NUB1: variants seen among roughly 807,000 people sequenced by gnomAD.
NUB1 encodes the protein negative regulator of ubiquitin like proteins 1.
NUB1 carries 41 observed loss-of-function variants against 77.1 expected under a neutral mutation model. The observed-to-expected ratio is 0.53, with a 90% CI of 0.41 to 0.69. NUB1 has a LOEUF of 0.69. Ranked by LOEUF, NUB1 falls within the 30% of genes least tolerant of loss-of-function variation. The pLI is 0.00. For synonymous variants in NUB1, 257 were observed against 281.0 expected (o/e 0.91, Z 0.85); for missense variants, 643 against 743.8 (o/e 0.86, Z 1.58).
chr7:151,344,489 T>TA (rs916732535), intron 1 of NUB1, among the ~76,000 whole-genome samples: 4 of 140,584 alleles, frequency 2.8e-5, no homozygotes, highest in Non-Finnish European at 4.7e-5. Flanking sequence ...TGTTCATATA[T>TA]TTTTTTTTTT....
At chr7:151,369,012 C>CTTT in intron 11 of NUB1, 125 bp downstream of exon 11, 1 of 1,001,422 alleles carries the variant, frequency 1.0e-6, no homozygotes, top group Non-Finnish European at 1.4e-6. Flanking sequence ...GAAACTTGTC[C>CTTT]TTTTTTTTTT....
chr7:151,376,464 C>A, intron 13 of NUB1, 170 bp from the exon 14 acceptor site: 1 of 638,722 alleles, frequency 1.6e-6, no homozygotes, highest in Non-Finnish European at 2.6e-6. Context: ...AGCCCCCTTC[C>A]AGGTTGCTCT....
intron 4 of NUB1, 149 bp from the exon 5 acceptor site, chr7:151,352,663 G>C (rs1160480853): frequency 8.2e-6 from 5 of 610,032 alleles, no homozygotes; most frequent in Non-Finnish European, 1.5e-5. Context: ...GGCTGGTCTT[G>C]AATTCCTGGG....
rs370952148 is a variant in NUB1 at position 151,377,438 on chromosome 7, C to T, written c.*213C>T. On this transcript the variant is annotated 3_prime_UTR_variant, in exon 15 of 15. Coordinates refer to ENST00000568733, the MANE Select transcript of NUB1 (RefSeq NM_001243351.2). ...TCCTCTGGCCTGGCGCAGGCCGTTC[C>T]ATCTGCCTCCCAGGTCTGCGTCCCT... 1.4e-4 allele frequency: 57 copies of T among 410,772 alleles called. 1 individual carries two copies. The highest frequency in any genetic ancestry group is 1.0e-3 in the African/African-American group (49 of 48,692). 25.4% of individuals were successfully genotyped at this position (410,772 alleles called of 1,614,324 possible).
At chr7:151,350,450 C>G (rs564160613) in intron 3 of NUB1, among the ~76,000 whole-genome samples, 1 of 152,218 alleles carries the variant, frequency 6.6e-6, no homozygotes, top group Non-Finnish European at 1.5e-5. Flanking sequence ...CTGGAGTTAC[C>G]GCTAGACGAG....
chr7:151,359,185 T>C (rs1249833444), intron 7 of NUB1, among the ~76,000 whole-genome samples: 4 of 151,402 alleles, frequency 2.6e-5, no homozygotes. Context: ...ATGCCTGTAA[T>C]CCCAGCACTT....
intron 8 of NUB1, among the ~76,000 whole-genome samples, chr7:151,364,452 A>C (rs184618752): frequency 0.021 from 3,158 of 151,386 alleles, 105 homozygotes; most frequent in African/African-American, 0.066. Flanking sequence ...CAAAAAAAAA[A>C]ACAAAAAAAC....
intron 8 of NUB1, among the ~76,000 whole-genome samples, chr7:151,364,760 C>T (rs1271881208): frequency 6.6e-6 from 1 of 152,106 alleles, no homozygotes; most frequent in African/African-American, 2.4e-5. Context: ...AGGTGATCTG[C>T]CCGCCTCGGC....
Position 151,345,443 on chromosome 7 carries a change from A to T in NUB1, c.94A>T (p.Lys32Ter), listed in dbSNP as rs753315256. 3.7e-6 allele frequency: 6 copies of T among 1,600,608 alleles called. No individual in the cohort carries two copies. The African/African-American group carries it at 4.0e-5, about 11-fold the overall frequency. Residue 32 changes from lysine (K) to a stop codon, truncating the protein, a stop_gained, in exon 2 of 15, where the codon AAA becomes TAA. Coordinates refer to ENST00000568733, the MANE Select transcript of NUB1 (RefSeq NM_001243351.2). LOFTEE classifies it high-confidence loss of function. Reference sequence around the variant, plus strand: ...GAAACCTCCATATACAGATGAAAATAAAAAAGTTGGTTTGGCATTAAAGGT... The same window carrying T: ...GAAACCTCCATATACAGATGAAAATTAAAAAGTTGGTTTGGCATTAAAGGT... ...LWKPPYTDEN[K>*]KVGLALKDLA...
Position 151,366,941 on chromosome 7 carries a change from A to T in NUB1, c.803A>T (p.Glu268Val), listed in dbSNP as rs1423028671. The T allele has an allele frequency of 1.3e-6, 2 of 1,586,608 alleles. No homozygotes were observed. Among genetic ancestry groups the T allele is most frequent in the Non-Finnish European group, 1.7e-6 (2 of 1,166,434 alleles). ...TGTCACTGTCCTTCTCTTTCCAGTG[A>T]GTGTTGCAGAGAGCTGCTGGACACA... ...CLLDADKYFC[E>V]CCRELLDTVD... is the part of the protein sequence containing the mutation. The change falls in exon 9 of 15, where the codon GAG becomes GTG. Residue 268 changes from glutamate (E) to valine (V), a missense_variant and splice_region_variant. Glu to Val is a moderately radical substitution (Grantham distance 121, BLOSUM62 -2). Transcript: ENST00000568733.
intron 11 of NUB1, among the ~76,000 whole-genome samples, chr7:151,370,728 GT>G (rs1797918882): frequency 7.7e-6 from 1 of 129,834 alleles, no homozygotes; most frequent in African/African-American, 3.0e-5. Flanking sequence ...AGAGTGTGAT[GT>G]CCCCCTTCCT....
At chr7:151,345,978 G>T in intron 2 of NUB1, among the ~76,000 whole-genome samples, 1 of 152,148 alleles carries the variant, frequency 6.6e-6, no homozygotes, top group East Asian at 1.9e-4. Flanking sequence ...TGTAAGTGAT[G>T]TTTCTAGAAA....
At chr7:151,356,279 G>A in intron 7 of NUB1, 57 bp downstream of exon 7, 1 of 1,285,068 alleles carries the variant, frequency 7.8e-7, no homozygotes, top group Non-Finnish European at 1.1e-6. Flanking sequence ...GGGCAGAGGT[G>A]GTTTTTTAGT....
chr7:151,376,625 C>A lies in NUB1; in HGVS notation c.1492-9C>A, dbSNP rs761563968. On this transcript the variant is annotated splice_polypyrimidine_tract_variant and intron_variant, in intron 13 of 14. Transcript: ENST00000568733. The stretch of plus-strand genomic sequence containing the variant: ...GGGCTGATGCTGTGACCCCTGCGCT[C>A]TCCCCTAGTTGGTGTACATGGGTTT... 1 of 1,601,268 alleles carries A rather than the reference C, an allele frequency of 6.2e-7. No homozygotes were observed. The highest frequency in any genetic ancestry group is 1.1e-5 in the South Asian group (1 of 89,644).
At chr7:151,354,954 G>A (rs1451999592) in intron 5 of NUB1, among the ~76,000 whole-genome samples, 1 of 152,138 alleles carries the variant, frequency 6.6e-6, no homozygotes. Flanking sequence ...GTGTTGCCCA[G>A]GCTGATCTTG....
chr7:151,358,962 G>A (rs1316037830), intron 7 of NUB1, among the ~76,000 whole-genome samples: 1 of 151,880 alleles, frequency 6.6e-6, no homozygotes, highest in East Asian at 1.9e-4. Context: ...GTACTCGGGA[G>A]GCTGAGGTGG....
chr7:151,377,313 ATCTGAATTACAAGTCC>A lies in NUB1; in HGVS notation c.*92_*107del, dbSNP rs1298917540. 1.0e-6 allele frequency: 1 copy of A among 958,816 alleles called. No individual in the cohort carries two copies. Among genetic ancestry groups the A allele is most frequent in the African/African-American group, 1.7e-5 (1 of 60,426 alleles). 59.4% of individuals were successfully genotyped at this position (958,816 alleles called of 1,614,324 possible). A position where few individuals can be genotyped will look rare whatever the true frequency, so the allele number is the denominator to read the frequency against. Reference sequence around the variant, plus strand: ...GCAGCTCTTTCTGTTCTTACTTTTTATCTGAATTACAAGTCCTCTTTGGGTGTAGGAGGGGGTGGGC... The same window carrying A: ...GCAGCTCTTTCTGTTCTTACTTTTTATCTTTGGGTGTAGGAGGGGGTGGGC... On this transcript the variant is annotated 3_prime_UTR_variant, in exon 15 of 15. Transcript: ENST00000568733.
At chr7:151,355,061 G>A (rs434705) in intron 5 of NUB1, among the ~76,000 whole-genome samples, 103,099 of 152,140 alleles carry the variant, frequency 0.68, 35,792 homozygotes, top group East Asian at 0.89. Flanking sequence ...GCTTTTAACC[G>A]TGACAGACTG....
chr7:151,351,364 G>A, intron 3 of NUB1, 60 bp from the exon 4 acceptor site: 1 of 1,255,124 alleles, frequency 8.0e-7, no homozygotes, highest in Non-Finnish European at 1.1e-6. Flanking sequence ...GATTTCACAG[G>A]GTAATCTCTC....
Sources: allele counts gnomAD v4.1 joint callset (sites outside exome capture counted in the v4.1 genomes callset), GRCh38; gene constraint gnomAD v4.1.1; transcripts MANE v1.5; gene names NCBI Gene and HGNC (gene_info 2026-07-23, HGNC 2026-07-21).